The following PUDP variants were observed in gnomAD, a reference collection of about 807,000 sequenced individuals.
The protein encoded by PUDP is pseudouridine 5'-phosphatase.
A neutral mutation model predicts 9.4 loss-of-function variants in PUDP; 8 were observed. The observed-to-expected ratio is 0.85, with a 90% CI of 0.50 to 1.53. The LOEUF (loss-of-function observed/expected upper bound fraction) is 1.53. Among genes scored for constraint, PUDP ranks in the 40% most tolerant of loss-of-function variants. The pLI is 0.00. For synonymous variants in PUDP, 99 were observed against 80.7 expected, an observed-to-expected ratio of 1.23 and a Z score of -1.22; for missense variants, 188 against 189.7, an observed-to-expected ratio of 0.99 and a Z score of 0.05.
chrX:7,092,614 C>T (rs1931455000), intron 2 of PUDP, among the ~76,000 whole-genome samples: 1 of 111,765 alleles, frequency 8.9e-6, no homozygotes, highest in Admixed American at 9.5e-5. Flanking sequence ...GTAAGACTTT[C>T]CCTGTATTCT....
intron 3 of PUDP, among the ~76,000 whole-genome samples, chrX:6,810,287 G>T (rs1316918554): frequency 9.0e-6 from 1 of 111,472 alleles, no homozygotes; most frequent in Non-Finnish European, 1.9e-5. Flanking sequence ...AAGACAAATT[G>T]CAGACTGTCC....
intron 3 of PUDP, among the ~76,000 whole-genome samples, chrX:6,877,200 T>G (rs1859575593): frequency 9.0e-6 from 1 of 110,580 alleles, no homozygotes; most frequent in Non-Finnish European, 1.9e-5. Context: ...CTCCAGTGAT[T>G]CTTTGGCCTC....
chrX:7,147,922 G>C, intron 1 of PUDP, 131 bp downstream of exon 1: 1 of 467,223 alleles, frequency 2.1e-6, no homozygotes, highest in East Asian at 5.3e-5. Flanking sequence ...GGCAGAGCGC[G>C]CGGGAGCCCG....
At chrX:7,095,088 C>G (rs1219862437) in intron 2 of PUDP, among the ~76,000 whole-genome samples, 3 of 112,092 alleles carry the variant, frequency 2.7e-5, no homozygotes, top group African/African-American at 9.7e-5. Context: ...GCCCTGTGAC[C>G]CGTGTCAGAA....
At chrX:6,741,014 C>T (rs1480768713) in intron 3 of PUDP, among the ~76,000 whole-genome samples, 1 of 110,238 alleles carries the variant, frequency 9.1e-6, no homozygotes, top group Non-Finnish European at 1.9e-5. Flanking sequence ...CAAAAACTAC[C>T]CGGGCGTGGT....
At chrX:6,815,173 G>GAAAAAA (rs1198524845) in intron 3 of PUDP, among the ~76,000 whole-genome samples, 6 of 59,121 alleles carry the variant, frequency 1.0e-4, no homozygotes, top group African/African-American at 2.6e-4. Context: ...TATTGAAAAT[G>GAAAAAA]AAAAAAAAAA....
At chrX:7,052,897 C>T (rs1226748800) in intron 3 of PUDP, among the ~76,000 whole-genome samples, 5 of 111,594 alleles carry the variant, frequency 4.5e-5, no homozygotes, top group Non-Finnish European at 7.5e-5. Flanking sequence ...CACTGGTCAC[C>T]GTAGGACGCG....
At chrX:6,864,376 T>C (rs1927048210) in intron 3 of PUDP, among the ~76,000 whole-genome samples, 1 of 111,981 alleles carries the variant, frequency 8.9e-6, no homozygotes, top group Admixed American at 9.5e-5. Context: ...GGTACTTCAA[T>C]TGTTGGGAGA....
chrX:6,882,367 T>C (rs1927359641), intron 3 of PUDP, among the ~76,000 whole-genome samples: 1 of 111,772 alleles, frequency 8.9e-6, no homozygotes, highest in Non-Finnish European at 1.9e-5. Flanking sequence ...TGGGGATACG[T>C]GACCACAAAA....
At chrX:6,970,906 CT>C (rs1219786248) in intron 3 of PUDP, among the ~76,000 whole-genome samples, 22 of 110,365 alleles carry the variant, frequency 2.0e-4, no homozygotes, top group African/African-American at 6.9e-4. Flanking sequence ...CAAAAATTCA[CT>C]GGGCGTGGTA....
chrX:6,749,045 CCA>C (rs1217697928), intron 3 of PUDP, among the ~76,000 whole-genome samples: 1 of 111,559 alleles, frequency 9.0e-6, no homozygotes, highest in Non-Finnish European at 1.9e-5. Context: ...CCTATGCACC[CCA>C]GAGGCGGCAG....
intron 1 of PUDP, among the ~76,000 whole-genome samples, chrX:7,043,908 T>C (rs771325763): frequency 8.0e-5 from 9 of 112,256 alleles, no homozygotes; most frequent in African/African-American, 2.9e-4. Context: ...AATAATCAGA[T>C]GCTATTCTAT....
intron 3 of PUDP, among the ~76,000 whole-genome samples, chrX:6,772,444 A>G (rs756766977): frequency 1.8e-5 from 2 of 110,759 alleles, no homozygotes. Flanking sequence ...GAGACACAGA[A>G]CAGAGAAAAT....
intron 1 of PUDP, among the ~76,000 whole-genome samples, chrX:7,114,200 G>A (rs755277231): frequency 9.0e-6 from 1 of 111,478 alleles, no homozygotes; most frequent in East Asian, 2.8e-4. Context: ...TCAGCCTCCC[G>A]AGTAGCTGGG....
chrX:6,775,744 T>C (rs1925447246), intron 3 of PUDP, among the ~76,000 whole-genome samples: 1 of 110,555 alleles, frequency 9.0e-6, no homozygotes, highest in Non-Finnish European at 1.9e-5. Context: ...ATGGAATTAG[T>C]GTCCTTATGA....
At chrX:7,132,791 T>G (rs1016245628) in intron 1 of PUDP, among the ~76,000 whole-genome samples, 27 of 111,269 alleles carry the variant, frequency 2.4e-4, no homozygotes, top group African/African-American at 8.8e-4. Flanking sequence ...AAGGCTATGC[T>G]CTCACCAAAG....
chrX:6,777,404 C>G (rs1373527375), intron 3 of PUDP, among the ~76,000 whole-genome samples: 1 of 111,857 alleles, frequency 8.9e-6, no homozygotes, highest in African/African-American at 3.3e-5. Flanking sequence ...AGGACTCCCC[C>G]AATAGAAATA....
In PUDP at chrX:6,919,858, CAAAAAAAAAAAAAAAAAAAAAAAAAA is replaced by C. The variant is rs58441346; in HGVS notation, c.*247+57249_*247+57274del. 6.0e-4 allele frequency among the ~76,000 whole-genome samples: 16 copies of C among 26,489 alleles called. No individual in the cohort carries two copies. In the South Asian group the frequency reaches 0.036, roughly 60 times the overall value. The allele number at this position is 26,489 out of a possible 115,157, so 23.0% of individuals were successfully genotyped here. On this transcript the variant is annotated intron_variant and NMD_transcript_variant, in intron 3 of 3. Coordinates refer to the PUDP transcript ENST00000655425. ...TGGGTGACAGAGCAAGACTCCATCT[CAAAAAAAAAAAAAAAAAAAAAAAAAA>C]AAAAAAAAAAAAAGAATGTCTGGAA...
rs760012265 is a variant in PUDP at position 7,007,018 on chromosome X, G to C, written c.205-28675C>G. 1.7e-4 allele frequency among the ~76,000 whole-genome samples: 19 copies of C among 111,413 alleles called. 1 individual carries two copies. The South Asian group carries it at 7.0e-3, about 41-fold the overall frequency. ...CATGCTACTGAAATGCCAGTGGTTG[G>C]GTCTAGGTCCCACTGCTCACTGCAC... On this transcript the variant is annotated intron_variant and NMD_transcript_variant, in intron 1 of 3. Transcript: ENST00000655425.
Sources: allele counts gnomAD v4.1 joint callset (sites outside exome capture counted in the v4.1 genomes callset), GRCh38; gene constraint gnomAD v4.1.1; transcripts MANE v1.5; gene names NCBI Gene and HGNC (gene_info 2026-07-23, HGNC 2026-07-21).